The following UBE3D variants were observed in gnomAD, a reference collection of about 807,000 sequenced individuals.
The protein encoded by UBE3D is E3 ubiquitin-protein ligase E3D.
A neutral mutation model predicts 49.6 loss-of-function variants in UBE3D; 48 were observed. The observed-to-expected ratio is 0.97, with a 90% CI of 0.77 to 1.23. The LOEUF (loss-of-function observed/expected upper bound fraction) is 1.23, where lower values mean the gene tolerates loss of function less well. UBE3D is among the 50% of genes most tolerant of loss of function. The pLI, the probability that UBE3D is intolerant of heterozygous loss-of-function variation, is 0.00. For synonymous variants in UBE3D, 189 were observed against 174.2 expected (o/e 1.08, Z -0.67); for missense variants, 452 against 468.4 (o/e 0.96, Z 0.32).
At chr6:83,064,087 G>C (rs1402912616) in intron 1 of UBE3D, among the ~76,000 whole-genome samples, 1 of 152,188 alleles carries the variant, frequency 6.6e-6, no homozygotes, top group Non-Finnish European at 1.5e-5. Flanking sequence ...CAGCCACATA[G>C]ATGGAACGTG....
chr6:82,996,449 A>G (rs892906414), intron 8 of UBE3D, among the ~76,000 whole-genome samples: 1 of 152,200 alleles, frequency 6.6e-6, no homozygotes, highest in Non-Finnish European at 1.5e-5. Flanking sequence ...AGAAAAAACA[A>G]ATCTTCTTGC....
intron 8 of UBE3D, among the ~76,000 whole-genome samples, chr6:82,983,561 T>A (rs1460328408): frequency 6.6e-6 from 1 of 152,030 alleles, no homozygotes; most frequent in East Asian, 1.9e-4. Context: ...TTTTTTTAAA[T>A]GTTAAATTAT....
At chr6:83,019,274 T>C in intron 7 of UBE3D, 138 bp from the exon 8 acceptor site, 3 of 764,078 alleles carry the variant, frequency 3.9e-6, no homozygotes, top group Non-Finnish European at 3.8e-6. Context: ...ATTTTAAAGT[T>C]GGGTAGGCCT....
chr6:82,912,078 T>G (rs1014302699), intron 9 of UBE3D, among the ~76,000 whole-genome samples: 1 of 151,564 alleles, frequency 6.6e-6, no homozygotes, highest in Non-Finnish European at 1.5e-5. Flanking sequence ...GAAGTTCTGA[T>G]AAGGATTAGA....
downstream of UBE3D, among the ~76,000 whole-genome samples, chr6:82,888,631 C>T (rs1280928830): frequency 2.0e-5 from 3 of 152,046 alleles, no homozygotes; most frequent in Non-Finnish European, 2.9e-5. Context: ...CAAATCCTGC[C>T]CTCTGCTTAT....
At chr6:83,020,609 A>G (rs1358853124) in intron 7 of UBE3D, among the ~76,000 whole-genome samples, 1 of 152,236 alleles carries the variant, frequency 6.6e-6, no homozygotes, top group East Asian at 1.9e-4. Flanking sequence ...CCGATCTTCA[A>G]TCTGAAATCT....
chr6:83,063,699 C>A (rs371184862), intron 1 of UBE3D, among the ~76,000 whole-genome samples: 7 of 152,116 alleles, frequency 4.6e-5, no homozygotes, highest in African/African-American at 1.7e-4. Context: ...TTTACACACA[C>A]TAGAATGGTT....
At chr6:83,033,397 T>C (rs138502564) in intron 5 of UBE3D, among the ~76,000 whole-genome samples, 8 of 152,284 alleles carry the variant, frequency 5.3e-5, no homozygotes, top group Non-Finnish European at 8.8e-5. Flanking sequence ...ATATCACTGA[T>C]ATGGTTTGGA....
chr6:82,968,187 A>C (rs1229454929), intron 8 of UBE3D, among the ~76,000 whole-genome samples: 2 of 152,158 alleles, frequency 1.3e-5, no homozygotes, highest in Non-Finnish European at 2.9e-5. Context: ...AAAGTTCTTA[A>C]TTTTAATGTA....
intron 9 of UBE3D, among the ~76,000 whole-genome samples, chr6:82,941,031 G>A (rs565632408): frequency 1.3e-5 from 2 of 152,086 alleles, no homozygotes; most frequent in South Asian, 4.2e-4. Context: ...TGGCCAATAC[G>A]GTGAAACCCC....
Position 82,892,910 on chromosome 6 carries a change from A to T in UBE3D, c.*112T>A. The T allele has an allele frequency of 8.1e-7, 1 of 1,240,622 alleles. No individual in the cohort carries two copies. Among genetic ancestry groups the T allele is most frequent in the Non-Finnish European group, 1.2e-6 (1 of 843,282 alleles). 76.9% of individuals were successfully genotyped at this position (1,240,622 alleles called of 1,614,324 possible). A position where few individuals can be genotyped will look rare whatever the true frequency, so the allele number is the denominator to read the frequency against. ...AACTTCAATGCAATGCTCTTATCCC[A>T]TAGCTCTGGTTCTTGTCTTTGTAAT... is the stretch of plus-strand genomic sequence containing the variant. On this transcript the variant is annotated 3_prime_UTR_variant, in exon 10 of 10. Coordinates refer to ENST00000369747, the MANE Select transcript of UBE3D (RefSeq NM_198920.3).
At chr6:82,945,833 G>A (rs1298406740) in intron 9 of UBE3D, among the ~76,000 whole-genome samples, 1 of 152,132 alleles carries the variant, frequency 6.6e-6, no homozygotes, top group Non-Finnish European at 1.5e-5. Flanking sequence ...TAATTAAAAA[G>A]AATCAAGAAG....
intron 5 of UBE3D, among the ~76,000 whole-genome samples, chr6:83,025,079 C>T (rs1781361696): frequency 6.6e-6 from 1 of 152,214 alleles, no homozygotes; most frequent in African/African-American, 2.4e-5. Flanking sequence ...GATCAACTAG[C>T]AAACATCATA....
At chr6:83,004,114 A>T (rs746452488) in intron 8 of UBE3D, among the ~76,000 whole-genome samples, 1 of 152,172 alleles carries the variant, frequency 6.6e-6, no homozygotes, top group African/African-American at 2.4e-5. Flanking sequence ...GATCTATAAC[A>T]TCAGATATGA....
intron 8 of UBE3D, among the ~76,000 whole-genome samples, chr6:83,014,787 G>A (rs1780579259): frequency 6.6e-6 from 1 of 152,126 alleles, no homozygotes; most frequent in Non-Finnish European, 1.5e-5. Flanking sequence ...AGGGGACCCG[G>A]ACTCCCCTTC....
chr6:82,934,642 A>G (rs1394745550), intron 9 of UBE3D, among the ~76,000 whole-genome samples: 2 of 152,048 alleles, frequency 1.3e-5, no homozygotes, highest in African/African-American at 4.8e-5. Flanking sequence ...TCCAAAACAC[A>G]TGAAGACATC....
In UBE3D at chr6:82,942,690, T is replaced by G. The variant is rs144097327; in HGVS notation, c.1149+14622A>C. The stretch of plus-strand genomic sequence containing the variant: ...TTACATGTGGTATTGGCCCTGTGAG[T>G]GCACAGTTGTCAAGAATTGAAGTTT... On this transcript the variant is annotated intron_variant, in intron 9 of 9. Transcript: ENST00000369747. Among the ~76,000 whole-genome samples the G allele has an allele frequency of 2.9e-3, 437 of 152,222 alleles. 4 individuals carry two copies. The highest frequency in any genetic ancestry group is 9.3e-3 in the African/African-American group (388 of 41,532).
intron 8 of UBE3D, among the ~76,000 whole-genome samples, chr6:83,005,572 T>A (rs1016322993): frequency 6.6e-6 from 1 of 151,416 alleles, no homozygotes; most frequent in East Asian, 1.9e-4. Context: ...TGCTTGAGAC[T>A]AGGGGTTTAA....
chr6:82,889,876 G>T (rs911768982), downstream of UBE3D, among the ~76,000 whole-genome samples: 3 of 151,262 alleles, frequency 2.0e-5, no homozygotes, highest in Non-Finnish European at 4.4e-5. Context: ...TTGCCAAAAT[G>T]AGTGGCCGAC....
Sources: gnomAD v4.1 joint callset for allele counts (sites outside exome capture counted in the v4.1 genomes callset) on GRCh38, gnomAD v4.1.1 for gene constraint, MANE v1.5 for transcripts, NCBI Gene and HGNC (gene_info 2026-07-23, HGNC 2026-07-21) for gene names.